HYDIN: variants seen among roughly 807,000 people sequenced by gnomAD.
HYDIN encodes axonemal central pair apparatus protein HYDIN.
HYDIN carries 132 observed loss-of-function variants against 403.9 expected under a neutral mutation model. The observed-to-expected ratio is 0.33, with a 90% CI of 0.28 to 0.38. The LOEUF is 0.38. Among genes scored for constraint, HYDIN ranks in the 10% least tolerant of loss-of-function variants. The pLI, the probability that HYDIN is intolerant of heterozygous loss-of-function variation, is 1.00. For missense variants in HYDIN, 2,827 were observed against 5,009.5 expected (o/e 0.56, Z 13.15); for synonymous variants, 1,202 against 1,891.7 (o/e 0.64, Z 9.46).
intron 23 of HYDIN, among the ~76,000 whole-genome samples, chr16:71,011,366 G>T (rs769626501): frequency 6.6e-6 from 1 of 152,158 alleles, no homozygotes; most frequent in Non-Finnish European, 1.5e-5. Context: ...CATCTGATTC[G>T]GCAGCCCAGG....
intron 20 of HYDIN, among the ~76,000 whole-genome samples, chr16:71,026,269 A>G (rs1228710533): frequency 2.6e-5 from 4 of 152,206 alleles, no homozygotes; most frequent in South Asian, 4.2e-4. Flanking sequence ...TTGGACTCAA[A>G]AAGCCTAGAT....
chr16:71,154,026 A>T, intron 6 of HYDIN, among the ~76,000 whole-genome samples: 1 of 139,218 alleles, frequency 7.2e-6, no homozygotes, highest in East Asian at 2.2e-4. Context: ...CTGATTATTT[A>T]CTTCGATCAC....
chr16:70,967,154 G>T (rs1401033863), intron 36 of HYDIN, among the ~76,000 whole-genome samples: 1 of 152,150 alleles, frequency 6.6e-6, no homozygotes, highest in East Asian at 1.9e-4. Context: ...TGTAGCTCAA[G>T]GTAGGGCAGC....
intron 44 of HYDIN, 45 bp from the exon 45 acceptor site, chr16:70,936,159 GC>G: frequency 8.1e-7 from 1 of 1,228,046 alleles, no homozygotes; most frequent in Non-Finnish European, 1.2e-6. Context: ...GGGCCCCCAT[GC>G]CTCACCCCTC....
chr16:70,828,462 C>T (rs774637677), intron 81 of HYDIN, 33 bp from the exon 82 acceptor site: 6 of 1,597,190 alleles, frequency 3.8e-6, no homozygotes, highest in Non-Finnish European at 5.1e-6. Flanking sequence ...CAGAATGCCA[C>T]ACAGCATTCT....
chr16:70,886,511 T>G (rs1390902185), intron 58 of HYDIN, among the ~76,000 whole-genome samples: 2 of 152,136 alleles, frequency 1.3e-5, no homozygotes, highest in Non-Finnish European at 2.9e-5. Flanking sequence ...CTTACCATGT[T>G]TTTTTCTTCC....
chr16:71,203,041 C>T (rs1279683847), intron 1 of HYDIN, among the ~76,000 whole-genome samples: 1 of 152,152 alleles, frequency 6.6e-6, no homozygotes, highest in Admixed American at 6.5e-5. Context: ...TTTGGGCTTG[C>T]TGGGCCAAAA....
chr16:70,888,877 T>C (rs1443892396), intron 58 of HYDIN, among the ~76,000 whole-genome samples: 11 of 152,290 alleles, frequency 7.2e-5, no homozygotes, highest in Non-Finnish European at 1.6e-4. Flanking sequence ...AGTTATTATA[T>C]AGAAGTTTTC....
At chr16:71,219,025 T>C (rs1388990275) in intron 1 of HYDIN, among the ~76,000 whole-genome samples, 1 of 152,232 alleles carries the variant, frequency 6.6e-6, no homozygotes, top group Non-Finnish European at 1.5e-5. Context: ...TGGTAATTGT[T>C]TTCAGACATC....
intron 59 of HYDIN, 74 bp downstream of exon 59, chr16:70,883,846 C>T: frequency 6.5e-7 from 1 of 1,537,920 alleles, no homozygotes. Context: ...GCTGGGATCA[C>T]AAGCGTGAGC....
chr16:71,172,312 T>C (rs939496003), intron 5 of HYDIN, among the ~76,000 whole-genome samples: 10 of 152,188 alleles, frequency 6.6e-5, no homozygotes, highest in African/African-American at 2.2e-4. Context: ...CTTTCTTAAG[T>C]CCAAGGAAGT....
intron 57 of HYDIN, among the ~76,000 whole-genome samples, chr16:70,890,425 C>T (rs1231079201): frequency 6.6e-6 from 1 of 152,006 alleles, no homozygotes; most frequent in African/African-American, 2.4e-5. Flanking sequence ...ATAGACATTA[C>T]ATTGTTATAA....
intron 75 of HYDIN, among the ~76,000 whole-genome samples, chr16:70,846,018 G>A (rs1369434421): frequency 2.0e-5 from 3 of 150,738 alleles, no homozygotes; most frequent in African/African-American, 7.4e-5. Context: ...ATTTTTTGAA[G>A]GGTTTTTTGT....
chr16:70,832,724 A>G, intron 80 of HYDIN, 124 bp downstream of exon 80: 1 of 654,828 alleles, frequency 1.5e-6, no homozygotes, highest in South Asian at 1.8e-5. Context: ...CCAGCAGTGG[A>G]AACGGTGTAT....
intron 42 of HYDIN, among the ~76,000 whole-genome samples, chr16:70,942,418 G>GAGGT (rs1188223556): frequency 6.6e-6 from 1 of 152,096 alleles, no homozygotes; most frequent in Non-Finnish European, 1.5e-5. Context: ...GAAGATCCAT[G>GAGGT]AGGTACACAA....
intron 45 of HYDIN, among the ~76,000 whole-genome samples, chr16:70,932,874 C>G (rs2077387813): frequency 6.6e-6 from 1 of 151,998 alleles, no homozygotes; most frequent in South Asian, 2.1e-4. Context: ...GGGTAAAATA[C>G]ACACCTTTCA....
intron 1 of HYDIN, among the ~76,000 whole-genome samples, chr16:71,207,653 A>G (rs1484512210): frequency 2.0e-5 from 3 of 152,174 alleles, no homozygotes; most frequent in Non-Finnish European, 4.4e-5. Context: ...GCAAGACCCA[A>G]TGGTATGCTG....
chr16:71,057,386 A>C (rs2081935434), intron 18 of HYDIN, among the ~76,000 whole-genome samples: 1 of 152,216 alleles, frequency 6.6e-6, no homozygotes, highest in South Asian at 2.1e-4. Context: ...AATGATAATA[A>C]AAATAAATAA....
chr16:70,990,394 CAAAAAAAAAAAAAAAAAA>C lies in HYDIN; in HGVS notation c.3864+906_3864+923del, dbSNP rs72381537. 1.8e-3 allele frequency among the ~76,000 whole-genome samples: 16 copies of C among 8,696 alleles called. 2 individuals carry two copies. In the South Asian group the frequency reaches 0.042, roughly 23 times the overall value. 5.7% of individuals were successfully genotyped at this position (8,696 alleles called of 152,430 possible). A position where few individuals can be genotyped will look rare whatever the true frequency, so the allele number is the denominator to read the frequency against. On this transcript the variant is annotated intron_variant, in intron 25 of 85. Transcript: ENST00000393567. ...TGGGCAACAGAGTGAGACTCTGCCT[CAAAAAAAAAAAAAAAAAA>C]AAAAAAAAAAAAAAAAAAAGCTTAG...
Sources: allele counts gnomAD v4.1 joint callset (sites outside exome capture counted in the v4.1 genomes callset), GRCh38; gene constraint gnomAD v4.1.1; transcripts MANE v1.5; gene names NCBI Gene and HGNC (gene_info 2026-07-23, HGNC 2026-07-21).